KLHL1: variants seen among roughly 807,000 people sequenced by gnomAD.
KLHL1 encodes kelch like family member 1.
Under a neutral mutation model 77.7 loss-of-function variants are expected in KLHL1, and 47 were observed. The observed-to-expected ratio is 0.60, with a 90% CI of 0.48 to 0.77. KLHL1 has a LOEUF of 0.77. KLHL1 is among the 30% of genes least tolerant of loss of function. The pLI is 0.00. For missense variants in KLHL1, 925 were observed against 910.8 expected (o/e 1.02, Z -0.20); for synonymous variants, 360 against 325.2 (o/e 1.11, Z -1.15).
In KLHL1 at chr13:69,896,813, C is replaced by T. The variant is rs534407319; in HGVS notation, c.1015-14318G>A. On this transcript the variant is annotated intron_variant, in intron 4 of 10. Coordinates refer to ENST00000377844, the MANE Select transcript of KLHL1 (RefSeq NM_020866.3). ...CCTCCTGAGTAGCTGGGACTACAGG[C>T]GCACACCACCACCTCACCTGGCTAA... Among the ~76,000 whole-genome samples the T allele has an allele frequency of 2.7e-3, 410 of 151,734 alleles. 4 individuals are homozygous for T. The highest frequency in any genetic ancestry group is 8.3e-3 in the African/African-American group (343 of 41,350).
intron 3 of KLHL1, among the ~76,000 whole-genome samples, chr13:69,954,528 T>C (rs1316671039): frequency 2.0e-5 from 3 of 151,294 alleles, no homozygotes; most frequent in Non-Finnish European, 4.4e-5. Context: ...AAGTTGATTA[T>C]GGGACTCAAG....
intron 1 of KLHL1, among the ~76,000 whole-genome samples, chr13:70,029,201 T>G (rs958650705): frequency 6.6e-6 from 1 of 152,098 alleles, no homozygotes; most frequent in South Asian, 2.1e-4. Flanking sequence ...GATCTTGAAC[T>G]TGCGGCCTGT....
intron 1 of KLHL1, among the ~76,000 whole-genome samples, chr13:70,064,714 T>C (rs541316000): frequency 6.6e-6 from 1 of 152,266 alleles, no homozygotes; most frequent in African/African-American, 2.4e-5. Context: ...ATACAATAAA[T>C]AATTAACTTA....
intron 1 of KLHL1, among the ~76,000 whole-genome samples, chr13:69,982,442 A>ATAATAG (rs1489158064): frequency 3.3e-5 from 3 of 90,472 alleles, no homozygotes; most frequent in Non-Finnish European, 7.1e-5. Flanking sequence ...TCTCCAAATA[A>ATAATAG]TAATAATAAT....
In KLHL1 at chr13:69,938,111, G is replaced by A. The variant is rs184482436; in HGVS notation, c.1014+1929C>T. On this transcript the variant is annotated intron_variant, in intron 4 of 10. Coordinates refer to ENST00000377844, the MANE Select transcript of KLHL1 (RefSeq NM_020866.3). ...TGAGAACATATGCCTGATTGGACAA[G>A]GATCAGAGGCAAATATGTGATGATA... Among the ~76,000 whole-genome samples the A allele has an allele frequency of 1.4e-3, 211 of 152,162 alleles. 3 individuals carry two copies. The highest frequency in any genetic ancestry group is 5.0e-3 in the African/African-American group (209 of 41,538).
At chr13:69,884,407 G>A (rs1178453258) in intron 4 of KLHL1, among the ~76,000 whole-genome samples, 1 of 119,622 alleles carries the variant, frequency 8.4e-6, no homozygotes, top group African/African-American at 3.2e-5. Flanking sequence ...GTTCTGAGAT[G>A]TTTTGCCATC....
chr13:69,932,192 C>G (rs1208876747), intron 4 of KLHL1, among the ~76,000 whole-genome samples: 2 of 151,638 alleles, frequency 1.3e-5, no homozygotes, highest in Non-Finnish European at 3.0e-5. Context: ...CTTATACAGT[C>G]TAGCTCTATG....
chr13:69,800,390 G>A (rs1877325560), intron 6 of KLHL1, among the ~76,000 whole-genome samples: 2 of 152,004 alleles, frequency 1.3e-5, no homozygotes, highest in Admixed American at 1.3e-4. Context: ...GCATTATTCA[G>A]CTTACCTCAG....
At chr13:69,960,200 A>G (rs1884021948) in intron 3 of KLHL1, among the ~76,000 whole-genome samples, 2 of 151,534 alleles carry the variant, frequency 1.3e-5, no homozygotes, top group South Asian at 4.2e-4. Context: ...AAATCCTAAA[A>G]GAGGACAGAG....
At chr13:69,888,814 T>C (rs1881316200) in intron 4 of KLHL1, among the ~76,000 whole-genome samples, 1 of 152,058 alleles carries the variant, frequency 6.6e-6, no homozygotes, top group African/African-American at 2.4e-5. Flanking sequence ...CTATAAAAAT[T>C]ATAATTTTAA....
chr13:70,007,767 C>T (rs986304688), intron 1 of KLHL1, among the ~76,000 whole-genome samples: 1 of 151,838 alleles, frequency 6.6e-6, no homozygotes, highest in Middle Eastern at 3.2e-3. Flanking sequence ...CACTAAAACA[C>T]AGAACAAGAA....
At chr13:69,780,685 C>CATATATATAT (rs1211073965) in intron 7 of KLHL1, among the ~76,000 whole-genome samples, 24 of 28,102 alleles carry the variant, frequency 8.5e-4, no homozygotes, top group East Asian at 5.3e-3. Context: ...TCTCTTTCTT[C>CATATATATAT]ATATATATAT....
At chr13:70,043,105 A>G (rs1265437063) in intron 1 of KLHL1, among the ~76,000 whole-genome samples, 1 of 152,146 alleles carries the variant, frequency 6.6e-6, no homozygotes, top group Admixed American at 6.6e-5. Flanking sequence ...GGGTTTCACC[A>G]TGTTAGCCAG....
chr13:69,726,941 T>C (rs946587544), intron 8 of KLHL1, among the ~76,000 whole-genome samples: 5 of 152,138 alleles, frequency 3.3e-5, no homozygotes, highest in South Asian at 2.1e-4. Flanking sequence ...GCACTTGTTT[T>C]TAATTCTAGA....
At chr13:70,034,880 G>T (rs1886200202) in intron 1 of KLHL1, among the ~76,000 whole-genome samples, 1 of 152,022 alleles carries the variant, frequency 6.6e-6, no homozygotes, top group Non-Finnish European at 1.5e-5. Flanking sequence ...CATCTCTAAT[G>T]TTTCTACGTG....
chr13:69,833,093 A>G (rs544620946), intron 6 of KLHL1, among the ~76,000 whole-genome samples: 4 of 152,240 alleles, frequency 2.6e-5, no homozygotes, highest in Middle Eastern at 3.4e-3. Flanking sequence ...ACAACAACAA[A>G]GATAAATAGA....
intron 2 of KLHL1, among the ~76,000 whole-genome samples, chr13:69,970,544 A>G (rs1884353947): frequency 6.6e-6 from 1 of 152,030 alleles, no homozygotes; most frequent in Admixed American, 6.6e-5. Flanking sequence ...CAGGAACTGG[A>G]CTTGGCCTAA....
chr13:69,731,199 A>G (rs367555621), intron 8 of KLHL1, among the ~76,000 whole-genome samples: 21 of 152,306 alleles, frequency 1.4e-4, no homozygotes, highest in African/African-American at 5.1e-4. Context: ...AAATGAACAT[A>G]ATTTTTCTAT....
At chr13:69,781,285 C>CTTTTTTTTTTTTTTTTTTTTTT (rs869083780) in intron 7 of KLHL1, among the ~76,000 whole-genome samples, 1 of 119,706 alleles carries the variant, frequency 8.4e-6, no homozygotes. Flanking sequence ...TTTTTTCTTT[C>CTTTTTTTTTTTTTTTTTTTTTT]TTTTTTTTTT....
Sources: gnomAD v4.1 joint callset for allele counts (sites outside exome capture counted in the v4.1 genomes callset) on GRCh38, gnomAD v4.1.1 for gene constraint, MANE v1.5 for transcripts, NCBI Gene and HGNC (gene_info 2026-07-23, HGNC 2026-07-21) for gene names.